PSMC2: variants seen among roughly 807,000 people sequenced by gnomAD.
PSMC2 encodes the protein proteasome 26S subunit, ATPase 2, also known as 26S proteasome regulatory subunit 7.
PSMC2 carries 7 observed loss-of-function variants against 53.3 expected under a neutral mutation model. The observed-to-expected ratio is 0.13, with a 90% CI of 0.07 to 0.25. PSMC2 has a LOEUF of 0.25. Among genes scored for constraint, PSMC2 ranks in the 10% least tolerant of loss-of-function variants. The pLI, the probability that PSMC2 is intolerant of heterozygous loss-of-function variation, is 1.00. For synonymous variants in PSMC2, 169 were observed against 183.9 expected (o/e 0.92, Z 0.66); for missense variants, 241 against 544.0 (o/e 0.44, Z 5.54).
At chr7:103,360,033 A>G (rs1420510045) in intron 4 of PSMC2, among the ~76,000 whole-genome samples, 3 of 151,796 alleles carry the variant, frequency 2.0e-5, no homozygotes. Flanking sequence ...GTGAGTCAAG[A>G]TCGCGCCACT....
At position 103,367,885 on chromosome 7, in the gene PSMC2, T is replaced by TTTG. The variant is rs1820800827; in HGVS notation, c.1145-9_1145-7dup. 8.1e-6 allele frequency: 13 copies of TTTG among 1,611,690 alleles called. No homozygotes were observed. The highest frequency in any genetic ancestry group is 1.0e-5 in the Non-Finnish European group (12 of 1,179,070). On this transcript the variant is annotated splice_polypyrimidine_tract_variant and intron_variant, in intron 11 of 11. Coordinates refer to ENST00000292644, the MANE Select transcript of PSMC2 (RefSeq NM_002803.4). The surrounding 1 kb of genome is among the most constrained non-coding windows in gnomAD (Gnocchi z 6.1). ...TTTAATTAAGCCCGTTTATTTTCTT[T>TTTG]TTGTTTGAAAGGTGCTGAGATTAGA...
chr7:103,353,784 A>G (rs1047742583), intron 1 of PSMC2, 137 bp from the exon 2 acceptor site: 2 of 723,640 alleles, frequency 2.8e-6, no homozygotes, highest in African/African-American at 1.8e-5. Flanking sequence ...TTGAATATGT[A>G]TCATCATAAT....
Position 103,360,202 on chromosome 7 carries a change from T to C in PSMC2, c.291-1755T>C, listed in dbSNP as rs114847990. On this transcript the variant is annotated intron_variant, in intron 4 of 11. Transcript: ENST00000292644. ...AATGTCATACATAAGGGAAAATGCA[T>C]TTCATAATGTTTTGCATCTCATAAC... 3.7e-3 allele frequency among the ~76,000 whole-genome samples: 571 copies of C among 152,282 alleles called. 4 individuals are homozygous for C. Among genetic ancestry groups the C allele is most frequent in the African/African-American group, 0.014 (562 of 41,538 alleles).
chr7:103,363,362 G>A lies in PSMC2; in HGVS notation c.514G>A (p.Val172Ile). The part of the protein sequence containing the change: ...TMMQVEEKPD[V>I]TYSDVGGCKE... ...CTCTTAGGTGGAAGAGAAACCTGAT[G>A]TCACATACAGTGATGTTGGTGGCTG... is the stretch of plus-strand genomic sequence containing the variant. Residue 172 changes from valine to isoleucine, a missense_variant, in exon 7 of 12, where the codon GTC becomes ATC. Around this residue, in one of 6 missense-constraint regions of PSMC2, gnomAD observed 75 missense variants for 185.1 expected, o/e 0.41. Coordinates refer to ENST00000292644, the MANE Select transcript of PSMC2 (RefSeq NM_002803.4). 1 of 1,613,732 alleles carries A rather than the reference G, an allele frequency of 6.2e-7. No individual in the cohort carries two copies. The highest frequency in any genetic ancestry group is 8.5e-7 in the Non-Finnish European group (1 of 1,179,620).
chr7:103,361,069 G>A (rs545381003), intron 4 of PSMC2, among the ~76,000 whole-genome samples: 1 of 149,852 alleles, frequency 6.7e-6, no homozygotes, highest in African/African-American at 2.5e-5. Context: ...AGCCGAGATC[G>A]CACCACTGCA....
At chr7:103,358,020 G>T (rs115864065) in intron 4 of PSMC2, among the ~76,000 whole-genome samples, 1 of 152,030 alleles carries the variant, frequency 6.6e-6, no homozygotes, top group African/African-American at 2.4e-5. Context: ...CTCTACCCTG[G>T]AGATTGCCCT....
intron 1 of PSMC2, chr7:103,348,613 A>G (rs1475230649): frequency 1.8e-6 from 2 of 1,132,300 alleles, no homozygotes; most frequent in Admixed American, 3.4e-5. Flanking sequence ...GGGTCACCAG[A>G]AGCTATGCTG....
At chr7:103,358,023 A>G (rs1031889814) in intron 4 of PSMC2, among the ~76,000 whole-genome samples, 2 of 151,998 alleles carry the variant, frequency 1.3e-5, no homozygotes, top group Non-Finnish European at 2.9e-5. Flanking sequence ...TACCCTGGAG[A>G]TTGCCCTTTA....
At chr7:103,363,904 T>A in intron 7 of PSMC2, among the ~76,000 whole-genome samples, 1 of 152,224 alleles carries the variant, frequency 6.6e-6, no homozygotes, top group East Asian at 1.9e-4. Context: ...AAGTGCTTTT[T>A]AAAAGCCATT....
intron 1 of PSMC2, among the ~76,000 whole-genome samples, chr7:103,351,316 G>A (rs1819730927): frequency 6.6e-6 from 1 of 152,184 alleles, no homozygotes; most frequent in African/African-American, 2.4e-5. Flanking sequence ...GACACATGGG[G>A]CCAAGTCCAG....
At position 103,367,869 on chromosome 7, in the gene PSMC2, G is replaced by A. The variant is rs1563498568; in HGVS notation, c.1145-28G>A. 1 of 1,611,930 alleles carries A rather than the reference G, an allele frequency of 6.2e-7. No homozygotes were observed. Among genetic ancestry groups the A allele is most frequent in the Admixed American group, 1.7e-5 (1 of 59,520 alleles). The stretch of plus-strand genomic sequence containing the variant: ...TGTCTGCTCAGGCTGCTTTAATTAA[G>A]CCCGTTTATTTTCTTTTTGTTTGAA... On this transcript the variant is annotated intron_variant, in intron 11 of 11. Coordinates refer to ENST00000292644, the MANE Select transcript of PSMC2 (RefSeq NM_002803.4). The surrounding 1 kb of genome is among the most constrained non-coding windows in gnomAD (Gnocchi z 6.1).
At chr7:103,360,511 A>C (rs1820319635) in intron 4 of PSMC2, among the ~76,000 whole-genome samples, 1 of 152,134 alleles carries the variant, frequency 6.6e-6, no homozygotes, top group Admixed American at 6.5e-5. Flanking sequence ...CTCCAGCCTC[A>C]GCCTCCTCAG....
chr7:103,362,613 A>C (rs1374560776), intron 5 of PSMC2, 73 bp from the exon 6 acceptor site: 2 of 1,483,754 alleles, frequency 1.3e-6, no homozygotes, highest in South Asian at 2.3e-5. Context: ...GGTTTTGGGG[A>C]TAAAGGACTA....
At position 103,364,163 on chromosome 7, in the gene PSMC2, T is replaced by G; in HGVS notation, c.612T>G (p.Leu204=). The G allele has an allele frequency of 6.2e-7, 1 of 1,614,060 alleles. No homozygotes were observed. Among genetic ancestry groups the G allele is most frequent in the Non-Finnish European group, 8.5e-7 (1 of 1,180,002 alleles). ...CACAGCCAGAGAGGTTTGTGAACCT[T>G]GGCATTGAGCCTCCCAAGGGCGTGC... ...PLLHPERFVN[L]GIEPPKGVLL... is the part of the protein sequence containing the mutation. The change falls in exon 8 of 12, where the codon CTT becomes CTG. Residue 204 remains leucine, a synonymous_variant. Transcript: ENST00000292644.
At chr7:103,354,274 A>T (rs529951278) in intron 2 of PSMC2, among the ~76,000 whole-genome samples, 12 of 152,268 alleles carry the variant, frequency 7.9e-5, no homozygotes, top group Non-Finnish European at 1.5e-4. Context: ...CATTTACACA[A>T]GTTTACTATA....
intron 6 of PSMC2, 103 bp downstream of exon 6, chr7:103,362,861 T>G (rs1420445989): frequency 2.3e-6 from 2 of 888,180 alleles, no homozygotes; most frequent in South Asian, 1.6e-5. Flanking sequence ...TGGTGTGATC[T>G]TGGCTCACTG....
chr7:103,351,131 A>G (rs1819724587), intron 1 of PSMC2, among the ~76,000 whole-genome samples: 1 of 152,118 alleles, frequency 6.6e-6, no homozygotes. Flanking sequence ...AGCCAGATTT[A>G]TCTCCGCCTT....
chr7:103,348,704 G>A, intron 1 of PSMC2: 1 of 1,587,590 alleles, frequency 6.3e-7, no homozygotes, highest in Non-Finnish European at 8.6e-7. Flanking sequence ...CGGAAATATG[G>A]CCTCAATATG....
chr7:103,352,126 A>G lies in PSMC2; in HGVS notation c.71-1795A>G, dbSNP rs576843333. On this transcript the variant is annotated intron_variant, in intron 1 of 11. Transcript: ENST00000292644. ...ACCTCCATCTACTTAATTTCCTATT[A>G]CCGCCTAATGTGTATACTATGTTTC... Among the ~76,000 whole-genome samples the G allele has an allele frequency of 3.6e-5, 5 of 137,706 alleles. No individual in the cohort carries two copies. In the East Asian group the frequency reaches 1.1e-3, roughly 30 times the overall value. The allele number at this position is 137,706 out of a possible 152,430, so 90.3% of individuals were successfully genotyped here.
Sources: gnomAD v4.1 joint callset for allele counts (sites outside exome capture counted in the v4.1 genomes callset) on GRCh38, gnomAD v4.1.1 for gene constraint, gnomAD v4.1.1 regional missense constraint, Gnocchi (gnomAD v3.1) non-coding constraint, MANE v1.5 for transcripts, NCBI Gene and HGNC (gene_info 2026-07-23, HGNC 2026-07-21) for gene names.